NLK: variants seen among roughly 807,000 people sequenced by gnomAD.
NLK encodes serine/threonine-protein kinase NLK.
Under a neutral mutation model 59.0 loss-of-function variants are expected in NLK, and 11 were observed. That is an observed-to-expected ratio of 0.19 (90% confidence interval 0.12 to 0.31). The LOEUF (loss-of-function observed/expected upper bound fraction) is 0.31, where lower values mean the gene tolerates loss of function less well. Among genes scored for constraint, NLK ranks in the 10% least tolerant of loss-of-function variants. The pLI is 1.00. For synonymous variants in NLK, 235 were observed against 235.9 expected, an observed-to-expected ratio of 1.00 and a Z score of 0.03; for missense variants, 410 against 661.1, an observed-to-expected ratio of 0.62 and a Z score of 4.16.
chr17:28,168,886 TA>T (rs1244943432), intron 6 of NLK, among the ~76,000 whole-genome samples: 9 of 152,076 alleles, frequency 5.9e-5, no homozygotes, highest in Non-Finnish European at 1.2e-4. Context: ...ATTTATTTAT[TA>T]TTATTATTAT....
chr17:28,113,397 T>G (rs2142807193), intron 1 of NLK, among the ~76,000 whole-genome samples: 1 of 152,318 alleles, frequency 6.6e-6, no homozygotes, highest in South Asian at 2.1e-4. Flanking sequence ...GAATGACTAC[T>G]CCATAGGCAG....
intron 1 of NLK, among the ~76,000 whole-genome samples, chr17:28,107,548 A>G (rs1199831269): frequency 6.6e-6 from 1 of 152,182 alleles, no homozygotes; most frequent in Non-Finnish European, 1.5e-5. Context: ...CTAAGGTCAG[A>G]ACATAAGATT....
At chr17:28,147,188 G>A (rs1001641551) in intron 3 of NLK, among the ~76,000 whole-genome samples, 5 of 152,220 alleles carry the variant, frequency 3.3e-5, no homozygotes, top group Admixed American at 2.6e-4. Context: ...CCCAGTCAGT[G>A]TTTATTGATG....
At chr17:28,053,367 G>T (rs972954010) in intron 1 of NLK, among the ~76,000 whole-genome samples, 1 of 152,288 alleles carries the variant, frequency 6.6e-6, no homozygotes, top group Admixed American at 6.5e-5. Context: ...GTTATTTGGA[G>T]GCATTTTTCC....
intron 1 of NLK, among the ~76,000 whole-genome samples, chr17:28,051,380 A>G (rs1322981142): frequency 2.1e-5 from 3 of 145,012 alleles, no homozygotes; most frequent in African/African-American, 2.6e-5. Flanking sequence ...TTTTTTTTTG[A>G]GACAGAGTCT....
At chr17:28,181,256 C>G (rs969468698) in intron 7 of NLK, among the ~76,000 whole-genome samples, 1 of 151,978 alleles carries the variant, frequency 6.6e-6, no homozygotes, top group Non-Finnish European at 1.5e-5. Context: ...AAAAATTAGC[C>G]ACGCGTGTGG....
chr17:28,139,406 C>T (rs1906892151), intron 3 of NLK, among the ~76,000 whole-genome samples: 1 of 152,206 alleles, frequency 6.6e-6, no homozygotes, highest in African/African-American at 2.4e-5. Context: ...ATCACTGATC[C>T]TTTCTCCTTA....
intron 1 of NLK, among the ~76,000 whole-genome samples, chr17:28,056,125 G>A (rs1041358876): frequency 2.0e-5 from 3 of 152,072 alleles, no homozygotes; most frequent in African/African-American, 2.4e-5. Flanking sequence ...GGTATGCGTG[G>A]GTGTGTTTGT....
At chr17:28,158,002 A>G (rs1311964892) in intron 3 of NLK, among the ~76,000 whole-genome samples, 3 of 152,216 alleles carry the variant, frequency 2.0e-5, no homozygotes, top group African/African-American at 7.2e-5. Flanking sequence ...TTTATGGTGC[A>G]GGCTTGGCAA....
At chr17:28,145,092 G>C (rs932411643) in intron 3 of NLK, among the ~76,000 whole-genome samples, 1 of 152,130 alleles carries the variant, frequency 6.6e-6, no homozygotes, top group South Asian at 2.1e-4. Flanking sequence ...AAAATTACAC[G>C]TTTAATTGAT....
In NLK at chr17:28,194,733, T is replaced by G; in HGVS notation, c.*97T>G. ...GGTTAATCATGCTTGTACTGTAATT[T>G]TACTAATGAAGTTTTAAATTAACAA... On this transcript the variant is annotated 3_prime_UTR_variant, in exon 11 of 11. Transcript: ENST00000407008. 1.4e-6 allele frequency: 1 copy of G among 689,696 alleles called. No homozygotes were observed. The highest frequency in any genetic ancestry group is 2.3e-6 in the Non-Finnish European group (1 of 427,816). The allele number at this position is 689,696 out of a possible 1,614,324, so 42.7% of individuals were successfully genotyped here.
At chr17:28,114,821 AG>A (rs1454845689) in intron 1 of NLK, among the ~76,000 whole-genome samples, 1 of 152,218 alleles carries the variant, frequency 6.6e-6, no homozygotes, top group Non-Finnish European at 1.5e-5. Context: ...TGTATCTGGC[AG>A]GGTTTGATCA....
At chr17:28,200,451 A>C (rs1394693303), downstream of NLK, among the ~76,000 whole-genome samples, 1 of 152,164 alleles carries the variant, frequency 6.6e-6, no homozygotes, top group Non-Finnish European at 1.5e-5. Context: ...TACACCAACG[A>C]AAGAGTCAAT....
At chr17:28,064,624 C>G (rs1229951219) in intron 1 of NLK, among the ~76,000 whole-genome samples, 1 of 152,150 alleles carries the variant, frequency 6.6e-6, no homozygotes, top group African/African-American at 2.4e-5. Context: ...CCTTGAACTC[C>G]TAGGCTCAAG....
At chr17:28,180,891 T>C (rs1908877496) in intron 7 of NLK, among the ~76,000 whole-genome samples, 1 of 152,208 alleles carries the variant, frequency 6.6e-6, no homozygotes, top group Admixed American at 6.5e-5. Flanking sequence ...TCCCCATCAC[T>C]CTCCACCTCT....
At chr17:28,181,975 G>A (rs58716445) in intron 7 of NLK, among the ~76,000 whole-genome samples, 1,670 of 150,434 alleles carry the variant, frequency 0.011, 30 homozygotes, top group African/African-American at 0.039. Flanking sequence ...GCACCATTGC[G>A]CTCCAGCCTG....
At chr17:28,067,724 T>G (rs950369881) in intron 1 of NLK, among the ~76,000 whole-genome samples, 1 of 151,994 alleles carries the variant, frequency 6.6e-6, no homozygotes, top group Non-Finnish European at 1.5e-5. Flanking sequence ...ATCTTAGATG[T>G]TAGAGATTGA....
chr17:28,094,325 A>G (rs899433990), intron 1 of NLK, among the ~76,000 whole-genome samples: 7 of 152,246 alleles, frequency 4.6e-5, no homozygotes, highest in Admixed American at 6.5e-5. Flanking sequence ...TTAAGAACCT[A>G]CAAGCAAGAA....
Position 28,045,774 on chromosome 17 carries a change from A to G in NLK, c.458+2443A>G, listed in dbSNP as rs192783316. ...TACCGGGAATTGCACTAATATTCTG[A>G]AACCCAAGGTAAAGATATTAGTGAG... On this transcript the variant is annotated intron_variant, in intron 1 of 10. Transcript: ENST00000407008. 3.2e-4 allele frequency among the ~76,000 whole-genome samples: 48 copies of G among 152,344 alleles called. No individual in the cohort carries two copies. The East Asian group carries it at 7.7e-3, about 24-fold the overall frequency.
Sources: gnomAD v4.1 joint callset for allele counts (sites outside exome capture counted in the v4.1 genomes callset) on GRCh38, gnomAD v4.1.1 for gene constraint, MANE v1.5 for transcripts, NCBI Gene and HGNC (gene_info 2026-07-23, HGNC 2026-07-21) for gene names.